The following COL19A1 variants were observed in gnomAD, a reference collection of about 807,000 sequenced individuals.
The protein encoded by COL19A1 is collagen alpha-1(XIX) chain.
A neutral mutation model predicts 190.2 loss-of-function variants in COL19A1; 159 were observed. The ratio of observed to expected loss-of-function variants is 0.84; its 90% CI spans 0.73 to 0.95. The LOEUF (loss-of-function observed/expected upper bound fraction) is 0.95. Among genes scored for constraint, COL19A1 ranks in the 40% least tolerant of loss-of-function variants. The pLI, the probability that COL19A1 is intolerant of heterozygous loss-of-function variation, is 0.00. For missense variants in COL19A1, 1,418 were observed against 1,431.9 expected (o/e 0.99, Z 0.16); for synonymous variants, 509 against 458.9 (o/e 1.11, Z -1.39).
intron 1 of COL19A1, among the ~76,000 whole-genome samples, chr6:69,868,117 C>A (rs1049121653): frequency 3.3e-5 from 5 of 151,514 alleles, no homozygotes; most frequent in Admixed American, 3.3e-4. Flanking sequence ...TCAACCACCA[C>A]CCCTCCCCAA....
At chr6:70,009,513 G>T (rs1437714956) in intron 11 of COL19A1, among the ~76,000 whole-genome samples, 2 of 152,072 alleles carry the variant, frequency 1.3e-5, no homozygotes, top group East Asian at 3.9e-4. Context: ...TTATTAAGGT[G>T]ACAGTTCTTT....
intron 14 of COL19A1, among the ~76,000 whole-genome samples, chr6:70,040,874 T>C (rs1779603240): frequency 6.6e-6 from 1 of 152,196 alleles, no homozygotes; most frequent in Non-Finnish European, 1.5e-5. Context: ...GCAAATCTTA[T>C]TTTGTAGACT....
Position 70,036,008 on chromosome 6 carries a change from T to A in COL19A1, c.1170+69T>A, listed in dbSNP as rs1779335200. ...TCTGTTTATTATCCATATTACATCA[T>A]GACTAAACCAGAATTTAAGTCACAG... On this transcript the variant is annotated intron_variant, in intron 14 of 50. Coordinates refer to ENST00000620364, the MANE Select transcript of COL19A1 (RefSeq NM_001858.6). 10 of 1,412,302 alleles carry A rather than the reference T, an allele frequency of 7.1e-6. 1 individual carries two copies. In the South Asian group the frequency reaches 1.2e-4, roughly 17 times the overall value. 87.5% of individuals were successfully genotyped at this position (1,412,302 alleles called of 1,614,324 possible).
intron 9 of COL19A1, among the ~76,000 whole-genome samples, chr6:69,940,189 G>T (rs2150024008): frequency 6.6e-6 from 1 of 152,056 alleles, no homozygotes; most frequent in Admixed American, 6.6e-5. Flanking sequence ...TGTTGTTAGA[G>T]CCTATACCTT....
In COL19A1 at chr6:70,150,076, A is replaced by G. The variant is rs770722993; in HGVS notation, c.2037+31A>G. The G allele has an allele frequency of 3.5e-5, 56 of 1,611,062 alleles. No homozygotes were observed. In the Admixed American group the frequency reaches 8.7e-4, roughly 25 times the overall value. On this transcript the variant is annotated intron_variant, in intron 30 of 50. Coordinates refer to ENST00000620364, the MANE Select transcript of COL19A1 (RefSeq NM_001858.6). ...TAGACAAACCTTGTCTGATTTATGT[A>G]TCTTAAATGCACCCAGAAGCCAAAC... is the stretch of plus-strand genomic sequence containing the variant.
chr6:69,933,638 T>C (rs987505204), intron 7 of COL19A1, among the ~76,000 whole-genome samples: 6 of 152,066 alleles, frequency 3.9e-5, no homozygotes, highest in African/African-American at 1.4e-4. Flanking sequence ...TACCAATCTT[T>C]CATTACAAGA....
intron 9 of COL19A1, among the ~76,000 whole-genome samples, chr6:69,945,252 TG>T (rs1773723447): frequency 6.6e-6 from 1 of 152,040 alleles, no homozygotes; most frequent in South Asian, 2.1e-4. Flanking sequence ...TGATATGCTT[TG>T]ACAGAAAATC....
At chr6:70,007,692 A>G (rs1299867353) in intron 11 of COL19A1, among the ~76,000 whole-genome samples, 1 of 152,052 alleles carries the variant, frequency 6.6e-6, no homozygotes, top group Admixed American at 6.5e-5. Context: ...CAATAAGAAT[A>G]TAGTAGACTT....
intron 31 of COL19A1, among the ~76,000 whole-genome samples, chr6:70,154,916 C>T (rs1787344368): frequency 6.6e-6 from 1 of 152,158 alleles, no homozygotes; most frequent in African/African-American, 2.4e-5. Flanking sequence ...GAGCTGGCAC[C>T]TGATTAGATG....
chr6:70,191,313 T>C (rs906587957), intron 48 of COL19A1, among the ~76,000 whole-genome samples: 27 of 152,374 alleles, frequency 1.8e-4, no homozygotes, highest in African/African-American at 5.8e-4. Flanking sequence ...TGTGTTTATT[T>C]TTTGAATCTA....
chr6:69,995,343 C>G (rs998973968), intron 11 of COL19A1, among the ~76,000 whole-genome samples: 1 of 152,168 alleles, frequency 6.6e-6, no homozygotes, highest in Non-Finnish European at 1.5e-5. Context: ...TGTGAGTGAT[C>G]ACTATCTAAT....
In COL19A1 at chr6:70,207,534, T is replaced by G. The variant is rs1237418065; in HGVS notation, c.*260T>G. ...TTTACTCAGAGTTTTATATGAAATATGCAAGTAAATCTTATCGTTAGTTCT... is the reference window on the plus strand; with the variant it reads ...TTTACTCAGAGTTTTATATGAAATAGGCAAGTAAATCTTATCGTTAGTTCT... On this transcript the variant is annotated 3_prime_UTR_variant, in exon 51 of 51. Transcript: ENST00000620364. 1 of 246,198 alleles carries G rather than the reference T, an allele frequency of 4.1e-6. No individual in the cohort carries two copies. The highest frequency in any genetic ancestry group is 7.7e-6 in the Non-Finnish European group (1 of 129,560). The allele number at this position is 246,198 out of a possible 1,614,324, so 15.3% of individuals were successfully genotyped here. A position where few individuals can be genotyped will look rare whatever the true frequency, so the allele number is the denominator to read the frequency against.
intron 11 of COL19A1, among the ~76,000 whole-genome samples, chr6:70,004,772 C>A (rs1315655974): frequency 2.0e-5 from 3 of 151,644 alleles, no homozygotes; most frequent in African/African-American, 7.3e-5. Context: ...CTCCTCAAAC[C>A]TTTTATCAAG....
chr6:70,152,073 G>T (rs1480282085), intron 31 of COL19A1, among the ~76,000 whole-genome samples: 1 of 151,848 alleles, frequency 6.6e-6, no homozygotes, highest in Non-Finnish European at 1.5e-5. Context: ...AAACAGGTAG[G>T]GGGGGATGAT....
chr6:69,963,178 G>A (rs543132828), intron 11 of COL19A1, among the ~76,000 whole-genome samples: 42 of 152,176 alleles, frequency 2.8e-4, no homozygotes, highest in South Asian at 1.2e-3. Context: ...CACTCACTAA[G>A]TATCCAATTA....
chr6:70,092,298 T>C lies in COL19A1; in HGVS notation c.1225-9871T>C, dbSNP rs557457939. Among the ~76,000 whole-genome samples the C allele has an allele frequency of 3.3e-5, 5 of 152,198 alleles. No homozygotes were observed. The South Asian group carries it at 1.0e-3, about 32-fold the overall frequency. On this transcript the variant is annotated intron_variant, in intron 15 of 50. Transcript: ENST00000620364. The stretch of plus-strand genomic sequence containing the variant: ...CCACATTTTCCTCCTATCCCCATGA[T>C]CCCTCCACTCCAGAGGGAAACTGGA...
rs143987030 is a variant in COL19A1 at position 70,139,655 on chromosome 6, T to C, written c.1447-1299T>C. ...TAATCAGAAGGCCCAAACAGAAGAG[T>C]AGTATTCATTCAAAGGTAAATTCTG... On this transcript the variant is annotated intron_variant, in intron 19 of 50. Transcript: ENST00000620364. Among the ~76,000 whole-genome samples the C allele has an allele frequency of 2.2e-3, 336 of 151,972 alleles. 3 individuals carry two copies. Among genetic ancestry groups the C allele is most frequent in the African/African-American group, 6.2e-3 (258 of 41,472 alleles).
chr6:69,868,919 T>C (rs1404481047), intron 1 of COL19A1, among the ~76,000 whole-genome samples: 4 of 151,948 alleles, frequency 2.6e-5, no homozygotes, highest in Admixed American at 6.5e-5. Context: ...TTAGAAACCA[T>C]GGTAGTGTGA....
At chr6:69,878,807 G>A (rs758506050) in intron 1 of COL19A1, among the ~76,000 whole-genome samples, 3 of 152,146 alleles carry the variant, frequency 2.0e-5, no homozygotes, top group Admixed American at 6.6e-5. Flanking sequence ...CAACCCAAAT[G>A]TCCATTGATG....
Sources: allele counts gnomAD v4.1 joint callset (sites outside exome capture counted in the v4.1 genomes callset), GRCh38; gene constraint gnomAD v4.1.1; transcripts MANE v1.5; gene names NCBI Gene and HGNC (gene_info 2026-07-23, HGNC 2026-07-21).